GRID1: variants seen among roughly 807,000 people sequenced by gnomAD.
The protein encoded by GRID1 is glutamate receptor ionotropic, delta-1.
GRID1 carries 28 observed loss-of-function variants against 98.0 expected under a neutral mutation model. The ratio of observed to expected loss-of-function variants is 0.29; its 90% CI spans 0.21 to 0.39. GRID1 has a LOEUF of 0.39. Among genes scored for constraint, GRID1 ranks in the 10% least tolerant of loss-of-function variants. The pLI is 1.00. For synonymous variants in GRID1, 553 were observed against 538.5 expected (o/e 1.03, Z -0.37); for missense variants, 1,111 against 1,340.5 (o/e 0.83, Z 2.67).
chr10:85,716,001 G>T (rs1841635138), intron 12 of GRID1, among the ~76,000 whole-genome samples: 2 of 151,814 alleles, frequency 1.3e-5, no homozygotes, highest in South Asian at 4.2e-4. Context: ...CCACCTCTCA[G>T]GTTCAAGTGA....
At chr10:85,790,190 G>C (rs1021874207) in intron 8 of GRID1, among the ~76,000 whole-genome samples, 9 of 152,342 alleles carry the variant, frequency 5.9e-5, no homozygotes, top group African/African-American at 2.2e-4. Flanking sequence ...GCCAGCCCCA[G>C]ATGTGGGAGG....
At chr10:85,888,151 T>C (rs1841143985) in intron 5 of GRID1, among the ~76,000 whole-genome samples, 3 of 152,230 alleles carry the variant, frequency 2.0e-5, no homozygotes, top group Admixed American at 2.0e-4. Flanking sequence ...GTAGTTCAGC[T>C]TCCTTTGTTT....
At chr10:85,943,274 G>C (rs944481642) in intron 4 of GRID1, among the ~76,000 whole-genome samples, 5 of 151,942 alleles carry the variant, frequency 3.3e-5, no homozygotes, top group African/African-American at 1.2e-4. Context: ...ATTTAATAAG[G>C]AAATTTAATA....
At chr10:85,954,939 T>C (rs567196048) in intron 4 of GRID1, among the ~76,000 whole-genome samples, 1 of 152,236 alleles carries the variant, frequency 6.6e-6, no homozygotes, top group Non-Finnish European at 1.5e-5. Flanking sequence ...GTTGAACTTG[T>C]GTTTTTTCTC....
chr10:86,055,684 A>C (rs1843562574), intron 4 of GRID1, among the ~76,000 whole-genome samples: 1 of 152,208 alleles, frequency 6.6e-6, no homozygotes, highest in African/African-American at 2.4e-5. Context: ...CGGAGGTTGC[A>C]GTGAGCCGAG....
intron 12 of GRID1, among the ~76,000 whole-genome samples, chr10:85,659,237 G>T (rs1164680185): frequency 6.6e-6 from 1 of 152,226 alleles, no homozygotes; most frequent in East Asian, 1.9e-4. Flanking sequence ...ATGTAAGAGT[G>T]TATACTCAAG....
intron 4 of GRID1, among the ~76,000 whole-genome samples, chr10:86,065,954 T>C (rs1439520298): frequency 6.6e-6 from 1 of 152,230 alleles, no homozygotes; most frequent in African/African-American, 2.4e-5. Context: ...TTCCTAACAA[T>C]GCCTTTCCCT....
intron 4 of GRID1, among the ~76,000 whole-genome samples, chr10:86,031,320 A>G (rs187146931): frequency 6.6e-6 from 1 of 152,250 alleles, no homozygotes; most frequent in East Asian, 1.9e-4. Context: ...AGAAAACCAA[A>G]TATGGCATGT....
At chr10:85,911,045 G>C (rs1481972515) in intron 5 of GRID1, among the ~76,000 whole-genome samples, 9 of 152,186 alleles carry the variant, frequency 5.9e-5, no homozygotes, top group Admixed American at 5.9e-4. Flanking sequence ...CATGAGATAT[G>C]AACGCAATAG....
intron 2 of GRID1, among the ~76,000 whole-genome samples, chr10:86,282,220 C>T (rs1564727921): frequency 6.6e-6 from 1 of 152,166 alleles, no homozygotes; most frequent in Non-Finnish European, 1.5e-5. Context: ...CAAGCAGTGC[C>T]CTCCTGCTCC....
At chr10:85,682,701 T>G (rs1184327914) in intron 12 of GRID1, among the ~76,000 whole-genome samples, 2 of 152,206 alleles carry the variant, frequency 1.3e-5, no homozygotes, top group Non-Finnish European at 2.9e-5. Context: ...GATGGAGGCC[T>G]CAGACACCCT....
chr10:86,340,473 C>A (rs1387536332), intron 2 of GRID1, among the ~76,000 whole-genome samples: 1 of 152,124 alleles, frequency 6.6e-6, no homozygotes. Flanking sequence ...GAGAGAGAGC[C>A]CACAATTCCC....
chr10:86,028,021 C>T (rs922416238), intron 4 of GRID1, among the ~76,000 whole-genome samples: 5 of 152,170 alleles, frequency 3.3e-5, no homozygotes, highest in African/African-American at 1.2e-4. Context: ...AGTTAATACC[C>T]CGTGATGTAT....
chr10:86,022,958 C>T (rs1429524699), intron 4 of GRID1, among the ~76,000 whole-genome samples: 1 of 151,644 alleles, frequency 6.6e-6, no homozygotes, highest in East Asian at 1.9e-4. Flanking sequence ...TTTTTTAAGA[C>T]CTGCAAGATT....
chr10:86,012,060 A>C (rs1345166781), intron 4 of GRID1, among the ~76,000 whole-genome samples: 1 of 152,168 alleles, frequency 6.6e-6, no homozygotes, highest in Non-Finnish European at 1.5e-5. Context: ...TAAGAGGCTG[A>C]GGCAAGAGAA....
intron 3 of GRID1, among the ~76,000 whole-genome samples, chr10:86,177,753 C>T (rs1037096637): frequency 2.6e-5 from 4 of 151,384 alleles, no homozygotes; most frequent in Non-Finnish European, 5.9e-5. Flanking sequence ...ACAGTGTGTG[C>T]GTGCGTGTGT....
At chr10:86,077,389 A>C (rs1843897649) in intron 4 of GRID1, among the ~76,000 whole-genome samples, 1 of 152,084 alleles carries the variant, frequency 6.6e-6, no homozygotes, top group South Asian at 2.1e-4. Context: ...GAATTCCAAA[A>C]CACACCCACT....
At chr10:85,970,848 G>T (rs1298787809) in intron 4 of GRID1, among the ~76,000 whole-genome samples, 1 of 151,950 alleles carries the variant, frequency 6.6e-6, no homozygotes, top group Non-Finnish European at 1.5e-5. Context: ...GCAAGAAAAG[G>T]AAATTTTAAA....
intron 4 of GRID1, among the ~76,000 whole-genome samples, chr10:86,073,219 C>T (rs1408159495): frequency 2.0e-5 from 3 of 152,202 alleles, no homozygotes; most frequent in African/African-American, 2.4e-5. Context: ...TCTAAACAGA[C>T]GAATCCATAC....
Sources: gnomAD v4.1 joint callset for allele counts (sites outside exome capture counted in the v4.1 genomes callset) on GRCh38, gnomAD v4.1.1 for gene constraint, MANE v1.5 for transcripts, NCBI Gene and HGNC (gene_info 2026-07-23, HGNC 2026-07-21) for gene names.